The following SUN1 variants were observed in gnomAD, a reference collection of about 807,000 sequenced individuals.
SUN1 encodes SUN domain-containing protein 1.
In SUN1, 61 loss-of-function variants were observed where a neutral mutation model predicts 103.2. The ratio of observed to expected loss-of-function variants is 0.59; its 90% confidence interval spans 0.48 to 0.73. The LOEUF (loss-of-function observed/expected upper bound fraction) is 0.73. Ranked by LOEUF, SUN1 falls within the 30% of genes least tolerant of loss-of-function variation. SUN1 has a pLI of 0.00. For missense variants in SUN1, 1,052 were observed against 1,034.6 expected, an observed-to-expected ratio of 1.02 and a Z score of -0.23; for synonymous variants, 490 against 425.7, an observed-to-expected ratio of 1.15 and a Z score of -1.86.
At chr7:851,877 C>T (rs1471712553) in intron 6 of SUN1, 73 bp from the exon 7 acceptor site, 2 of 1,512,452 alleles carry the variant, frequency 1.3e-6, no homozygotes, top group African/African-American at 1.4e-5. Flanking sequence ...TTGGCCTTCA[C>T]AGAAATGGTC....
intron 13 of SUN1, among the ~76,000 whole-genome samples, chr7:858,755 T>G (rs1346599162): frequency 6.6e-6 from 1 of 152,206 alleles, no homozygotes; most frequent in African/African-American, 2.4e-5. Context: ...GTCATCAAAG[T>G]CAGACAGTAG....
At chr7:864,605 C>A (rs1463540005) in intron 15 of SUN1, among the ~76,000 whole-genome samples, 1 of 148,800 alleles carries the variant, frequency 6.7e-6, no homozygotes, top group Non-Finnish European at 1.5e-5. Context: ...TCACCCTGTT[C>A]TGCTATCATA....
rs1271220774 is a variant in SUN1 at position 864,546 on chromosome 7, C to CT, written c.1865-1403dup. On this transcript the variant is annotated intron_variant, in intron 15 of 18. Transcript: ENST00000401592. ...TCCAGCCTGGGCAACAAGAGCAAAA[C>CT]TTTATCTCAAAAAAAAAAAAAAAAA... Among the ~76,000 whole-genome samples, 25 of 117,266 alleles carry CT rather than the reference C, an allele frequency of 2.1e-4. No individual in the cohort carries two copies. In the Middle Eastern group the frequency reaches 0.023, roughly 108 times the overall value. The allele number at this position is 117,266 out of a possible 152,430, so 76.9% of individuals were successfully genotyped here.
intron 1 of SUN1, among the ~76,000 whole-genome samples, chr7:826,857 C>T (rs1034658498): frequency 2.1e-4 from 32 of 152,106 alleles, no homozygotes; most frequent in Non-Finnish European, 7.3e-5. Context: ...ATGAGTGTTT[C>T]GTAGAAAATA....
chr7:869,614 C>T lies in SUN1; in HGVS notation c.2148+98C>T, dbSNP rs145819680. 7.1e-3 allele frequency: 9,955 copies of T among 1,401,944 alleles called. 100 individuals carry two copies. The highest frequency in any genetic ancestry group is 0.028 in the Middle Eastern group (108 of 3,926). 86.8% of individuals were successfully genotyped at this position (1,401,944 alleles called of 1,614,324 possible). A position where few individuals can be genotyped will look rare whatever the true frequency, so the allele number is the denominator to read the frequency against. ...GAGCGCACTGGGGACGGCTGCCTCCCGCTGCCCCTCCGCCCTCTCTCAGAT... is the reference window on the plus strand; with the variant it reads ...GAGCGCACTGGGGACGGCTGCCTCCTGCTGCCCCTCCGCCCTCTCTCAGAT... On this transcript the variant is annotated intron_variant, in intron 17 of 18. Coordinates refer to ENST00000401592, the MANE Select transcript of SUN1 (RefSeq NM_001130965.3).
upstream of SUN1, chr7:816,095 C>G (rs1265178897): frequency 7.4e-6 from 2 of 271,874 alleles, no homozygotes; most frequent in East Asian, 1.7e-4. Context: ...GATGCACACA[C>G]CTTTCCGAAG....
At chr7:853,318 G>T (rs188675854) in intron 9 of SUN1, 91 bp from the exon 10 acceptor site, 17 of 1,456,560 alleles carry the variant, frequency 1.2e-5, no homozygotes, top group Non-Finnish European at 1.6e-5. Flanking sequence ...CAGAGCTGGC[G>T]TCTTGCTGTA....
chr7:851,272 C>A, intron 5 of SUN1, 112 bp from the exon 6 acceptor site: 1 of 845,554 alleles, frequency 1.2e-6, no homozygotes, highest in Non-Finnish European at 1.9e-6. Flanking sequence ...GACTCTTGAC[C>A]CACCGATGCA....
chr7:836,051 G>A (rs1176083865), intron 1 of SUN1, among the ~76,000 whole-genome samples: 8 of 152,264 alleles, frequency 5.3e-5, no homozygotes, highest in Non-Finnish European at 8.8e-5. Flanking sequence ...GAGCCTCCAC[G>A]GGGCAAGGAG....
Position 817,434 on chromosome 7 carries a change from A to G in SUN1, c.-74+761A>G, listed in dbSNP as rs750787666. ...TGGTGCAAAATAAGCAGCGGCGGGG[A>G]ACACCTTGCCACTGTCACCGTCATG... On this transcript the variant is annotated intron_variant, in intron 1 of 17. Transcript: ENST00000389574. The G allele has an allele frequency of 2.0e-5, 31 of 1,535,802 alleles. No individual in the cohort carries two copies. In the South Asian group the frequency reaches 3.6e-4, roughly 18 times the overall value.
At chr7:841,723 G>T in intron 2 of SUN1, 1 of 510,328 alleles carries the variant, frequency 2.0e-6, no homozygotes, top group South Asian at 2.4e-5. Context: ...AAATAACCTG[G>T]AAACTATTTT....
rs367867229 is a variant in SUN1, at chr7:839,807, G to A, written c.266+821G>A. 1.3e-5 allele frequency among the ~76,000 whole-genome samples: 2 copies of A among 151,574 alleles called. 1 individual carries two copies. On this transcript the variant is annotated intron_variant, in intron 2 of 18. Transcript: ENST00000401592. ...GGTCTCAGGTGATCCGCCCATTGCA[G>A]CCTCCCAAAGTGCTGCGATTACAGG... is the stretch of plus-strand genomic sequence containing the variant.
intron 1 of SUN1, among the ~76,000 whole-genome samples, chr7:821,192 CAG>C (rs1785614955): frequency 2.2e-5 from 2 of 90,798 alleles, no homozygotes; most frequent in East Asian, 3.5e-4. Flanking sequence ...TTTTTTGAGA[CAG>C]AGTCTTGCTC....
intron 5 of SUN1, 56 bp from the exon 6 acceptor site, chr7:851,328 C>CT: frequency 6.7e-7 from 1 of 1,486,358 alleles, no homozygotes; most frequent in South Asian, 1.2e-5. Context: ...CGTGCTGTCA[C>CT]TGCAGAGGCT....
chr7:817,305 G>A, intron 1 of SUN1: 12 of 940,096 alleles, frequency 1.3e-5, no homozygotes, highest in Non-Finnish European at 2.0e-5. Context: ...ATGCTGCCCA[G>A]GTCGGACTCC....
Position 851,433 on chromosome 7 carries a change from T to G in SUN1, c.708T>G (p.Ala236=). The change falls in exon 6 of 19, where the codon GCT becomes GCG. Residue 236 remains alanine (A), a synonymous_variant. Coordinates refer to ENST00000401592, the MANE Select transcript of SUN1 (RefSeq NM_001130965.3). ...ILRRIGAVGQ[A]VSRTAWSALW... Reference sequence around the variant, plus strand: ...GCAGGATCGGAGCTGTGGGCCAGGCTGTGTCCAGGACGGCGTGGTCGGCCC... The same window carrying G: ...GCAGGATCGGAGCTGTGGGCCAGGCGGTGTCCAGGACGGCGTGGTCGGCCC... 5 of 1,610,906 alleles carry G rather than the reference T, an allele frequency of 3.1e-6. No individual in the cohort carries two copies. The highest frequency in any genetic ancestry group is 4.2e-6 in the Non-Finnish European group (5 of 1,178,650).
Position 843,329 on chromosome 7 carries a change from T to A in SUN1, c.479-12T>A, listed in dbSNP as rs1402587387. ...TGATAAACAGGTTCCATCTACTGTT[T>A]GAAAACTTTAGGTGGAAATAAAGCT... is the stretch of plus-strand genomic sequence containing the variant. On this transcript the variant is annotated splice_polypyrimidine_tract_variant and intron_variant, in intron 4 of 18. Transcript: ENST00000401592. The A allele has an allele frequency of 6.2e-7, 1 of 1,603,592 alleles. No homozygotes were observed.
chr7:816,621 T>A lies in SUN1; in HGVS notation c.-126T>A, dbSNP rs536558537. 1,745 of 385,920 alleles carry A rather than the reference T, an allele frequency of 4.5e-3. 56 individuals carry two copies. Among genetic ancestry groups the A allele is most frequent in the South Asian group, 0.03 (1,714 of 56,382 alleles). The allele number at this position is 385,920 out of a possible 1,614,324, so 23.9% of individuals were successfully genotyped here. Reference sequence around the variant, plus strand: ...GCGATTGGCTGGCGTGGGCAGAGCGTCTTCTCGGGCCTGGGCGGCGCAGAC... The same window carrying A: ...GCGATTGGCTGGCGTGGGCAGAGCGACTTCTCGGGCCTGGGCGGCGCAGAC... On this transcript the variant is annotated 5_prime_UTR_variant, in exon 1 of 18. Transcript: ENST00000389574.
upstream of SUN1, among the ~76,000 whole-genome samples, chr7:828,431 C>A (rs1794870542): frequency 1.3e-5 from 2 of 151,892 alleles, no homozygotes; most frequent in African/African-American, 4.8e-5. Flanking sequence ...GCCACCACAC[C>A]CAGCTAATTT....
Sources: gnomAD v4.1 joint callset for allele counts (sites outside exome capture counted in the v4.1 genomes callset) on GRCh38, gnomAD v4.1.1 for gene constraint, MANE v1.5 for transcripts, NCBI Gene and HGNC (gene_info 2026-07-23, HGNC 2026-07-21) for gene names.